The following C11orf65 variants were observed in gnomAD, a reference collection of about 807,000 sequenced individuals.
C11orf65 encodes the protein protein MFI.
Under a neutral mutation model 35.3 loss-of-function variants are expected in C11orf65, and 38 were observed. The observed-to-expected ratio is 1.08, with a 90% CI of 0.83 to 1.41. The LOEUF is 1.41. Among genes scored for constraint, C11orf65 ranks in the 40% most tolerant of loss-of-function variants. The probability of loss-of-function intolerance (pLI) is 0.00; values close to 1 mark genes in which losing one functional copy is unlikely to be tolerated. For missense variants in C11orf65, 370 were observed against 367.1 expected, an observed-to-expected ratio of 1.01 and a Z score of -0.06; for synonymous variants, 105 against 114.4, an observed-to-expected ratio of 0.92 and a Z score of 0.53.
At chr11:108,333,823 C>G (rs918711384) in intron 3 of C11orf65, 2 of 1,304,664 alleles carry the variant, frequency 1.5e-6, no homozygotes, top group Non-Finnish European at 1.1e-6. Flanking sequence ...GCTGACTATT[C>G]CTGCTTGACC....
intron 2 of C11orf65, among the ~76,000 whole-genome samples, chr11:108,358,834 C>T (rs1156326610): frequency 6.6e-6 from 1 of 150,440 alleles, no homozygotes; most frequent in Non-Finnish European, 1.5e-5. Context: ...CCAGCCACTG[C>T]AAAATCATGC....
At chr11:108,447,224 C>T (rs10890841) in intron 2 of C11orf65, among the ~76,000 whole-genome samples, 28,749 of 151,916 alleles carry the variant, frequency 0.19, 3,197 homozygotes, top group African/African-American at 0.29. Context: ...GACAGATCAA[C>T]GAGACAGAAA....
At position 108,406,868 on chromosome 11, in the gene C11orf65, T is replaced by C; in HGVS notation, c.324A>G (p.Pro108=). ...TTTTATTATGAGATGTATGCTTTGC[T>C]GGAAGTTTTGCATAATTTCTAGGGC... ...ANSPRNYAKL[P]AKHTSHNKND... Residue 108 remains proline, a synonymous_variant, in exon 5 of 9, where the codon CCA becomes CCG. Coordinates refer to ENST00000393084, the MANE Select transcript of C11orf65 (RefSeq NM_152587.5). 1.2e-6 allele frequency: 2 copies of C among 1,612,808 alleles called. No individual in the cohort carries two copies. The highest frequency in any genetic ancestry group is 2.2e-5 in the East Asian group (1 of 44,806).
At chr11:108,343,557 A>G (rs1265383755) in intron 2 of C11orf65, among the ~76,000 whole-genome samples, 2 of 152,252 alleles carry the variant, frequency 1.3e-5, no homozygotes, top group African/African-American at 4.8e-5. Context: ...ATTTTAAACT[A>G]CATAATATGT....
chr11:108,452,286 A>C (rs934181266), intron 2 of C11orf65, among the ~76,000 whole-genome samples: 1 of 152,228 alleles, frequency 6.6e-6, no homozygotes, highest in Non-Finnish European at 1.5e-5. Context: ...AAGAATCTAC[A>C]AAGAACTTAA....
Position 108,374,231 on chromosome 11 carries a change from G to A in C11orf65, c.226+18977C>T, listed in dbSNP as rs545324776. 1.4e-4 allele frequency among the ~76,000 whole-genome samples: 21 copies of A among 152,276 alleles called. No individual in the cohort carries two copies. In the South Asian group the frequency reaches 4.4e-3, roughly 32 times the overall value. On this transcript the variant is annotated intron_variant, in intron 2 of 3. Coordinates refer to the C11orf65 transcript ENST00000524755. ...GACCCCTGAGCAGCCTAACCGGGAG[G>A]CACCCCCCAGTGGGGCAGACTGATA...
intron 3 of C11orf65, among the ~76,000 whole-genome samples, chr11:108,430,812 T>C (rs1191211409): frequency 6.6e-6 from 1 of 151,666 alleles, no homozygotes; most frequent in African/African-American, 2.4e-5. Flanking sequence ...GCCACTGCAC[T>C]CTAACCTGGG....
At chr11:108,427,690 C>A (rs1253287434) in intron 3 of C11orf65, among the ~76,000 whole-genome samples, 1 of 105,308 alleles carries the variant, frequency 9.5e-6, no homozygotes, top group African/African-American at 3.7e-5. Flanking sequence ...CCACTGCACT[C>A]CAGCCTGGGC....
intron 2 of C11orf65, among the ~76,000 whole-genome samples, chr11:108,370,131 T>G (rs2091515424): frequency 6.6e-6 from 1 of 152,174 alleles, no homozygotes; most frequent in Admixed American, 6.5e-5. Flanking sequence ...TAAGTTTTAG[T>G]TTTCCTTGCA....
chr11:108,410,555 A>G (rs907349484), intron 3 of C11orf65, among the ~76,000 whole-genome samples: 1 of 151,946 alleles, frequency 6.6e-6, no homozygotes, highest in African/African-American at 2.4e-5. Flanking sequence ...GGATTTCTCC[A>G]TGTTGCCCAG....
At chr11:108,462,358 T>C (rs569054985) in intron 1 of C11orf65, among the ~76,000 whole-genome samples, 3 of 152,328 alleles carry the variant, frequency 2.0e-5, no homozygotes, top group African/African-American at 4.8e-5. Flanking sequence ...TCAGCAATTA[T>C]TGGTGATTTA....
chr11:108,425,196 CA>C (rs550901908), intron 3 of C11orf65, among the ~76,000 whole-genome samples: 241 of 151,954 alleles, frequency 1.6e-3, no homozygotes, highest in African/African-American at 5.5e-3. Flanking sequence ...AAAAAACCTG[CA>C]AAAAATCAGT....
intron 7 of C11orf65, among the ~76,000 whole-genome samples, chr11:108,387,186 C>G (rs1206943703): frequency 8.5e-6 from 1 of 117,406 alleles, no homozygotes; most frequent in African/African-American, 3.2e-5. Context: ...CAAAATCTCG[C>G]TCTTGTGCCC....
chr11:108,433,724 G>A (rs1261700138), intron 2 of C11orf65, among the ~76,000 whole-genome samples: 1 of 148,566 alleles, frequency 6.7e-6, no homozygotes, highest in Non-Finnish European at 1.5e-5. Context: ...TCCTAACAGG[G>A]CTTGTTAGGC....
chr11:108,399,146 C>T (rs954118346), intron 6 of C11orf65, among the ~76,000 whole-genome samples: 60 of 151,878 alleles, frequency 4.0e-4, no homozygotes, highest in African/African-American at 1.3e-3. Context: ...ACTGAGGTGC[C>T]GGGGGAAAAA....
intron 2 of C11orf65, among the ~76,000 whole-genome samples, chr11:108,377,163 C>A (rs2091751942): frequency 6.6e-6 from 1 of 151,532 alleles, no homozygotes; most frequent in East Asian, 1.9e-4. Context: ...CAAAGCCGAG[C>A]AGAGACACAA....
chr11:108,316,218 A>AGTCTTATCT, intron 6 of C11orf65: 1 of 1,055,568 alleles, frequency 9.5e-7, no homozygotes, highest in Non-Finnish European at 1.4e-6. Flanking sequence ...TAGAGATAAG[A>AGTCTTATCT]CTAGAACTTA....
intron 6 of C11orf65, chr11:108,310,250 C>A (rs376169886): frequency 6.2e-7 from 1 of 1,613,428 alleles, no homozygotes. Context: ...GTGCTGCTCA[C>A]TTTACAGCTT....
At chr11:108,356,021 T>C (rs2089874729) in intron 2 of C11orf65, 1 of 152,256 alleles carries the variant, frequency 6.6e-6, no homozygotes, top group Admixed American at 6.5e-5. Context: ...GCTGTGCTAT[T>C]CCCAAGGTTA....
Sources: gnomAD v4.1 joint callset for allele counts (sites outside exome capture counted in the v4.1 genomes callset) on GRCh38, gnomAD v4.1.1 for gene constraint, MANE v1.5 for transcripts, NCBI Gene and HGNC (gene_info 2026-07-23, HGNC 2026-07-21) for gene names.